The following TMEM204 variants were observed in gnomAD, a reference collection of about 807,000 sequenced individuals.
TMEM204 encodes the protein claudin-like protein 24.
In TMEM204, 15 loss-of-function variants were observed where a neutral mutation model predicts 19.4. The observed-to-expected ratio is 0.77, with a 90% CI of 0.52 to 1.19. The LOEUF is 1.19. Among genes scored for constraint, TMEM204 ranks in the 50% most tolerant of loss-of-function variants. TMEM204 has a pLI of 0.00. For synonymous variants in TMEM204, 161 were observed against 146.0 expected (o/e 1.10, Z -0.74); for missense variants, 287 against 321.2 (o/e 0.89, Z 0.81).
At chr16:1,536,700 C>G (rs1305343890) in intron 1 of TMEM204, among the ~76,000 whole-genome samples, 2 of 152,186 alleles carry the variant, frequency 1.3e-5, no homozygotes, top group African/African-American at 4.8e-5. Context: ...AACACGGGGA[C>G]GCGCCCAGAG....
rs535820814 is a variant in TMEM204 at position 1,542,274 on chromosome 16, C to A, written c.436+198C>A. Among the ~76,000 whole-genome samples the A allele has an allele frequency of 4.5e-4, 69 of 152,366 alleles. 1 individual carries two copies. The highest frequency in any genetic ancestry group is 1.9e-3 in the South Asian group (9 of 4,832). Reference sequence around the variant, plus strand: ...AGGCAAGAATGATGAAAGACAGAAACACACCCAGGCCAAGGAGCAGGGAGG... The same window carrying A: ...AGGCAAGAATGATGAAAGACAGAAAAACACCCAGGCCAAGGAGCAGGGAGG... On this transcript the variant is annotated intron_variant, in intron 2 of 2. Coordinates refer to ENST00000566264, the MANE Select transcript of TMEM204 (RefSeq NM_024600.6).
chr16:1,530,240 C>T (rs1292297679), upstream of TMEM204, among the ~76,000 whole-genome samples: 1 of 145,528 alleles, frequency 6.9e-6, no homozygotes, highest in African/African-American at 2.5e-5. Flanking sequence ...CCGAGTGATT[C>T]TCCTGCCTCA....
intron 1 of TMEM204, among the ~76,000 whole-genome samples, chr16:1,538,633 G>T (rs997918558): frequency 2.4e-4 from 36 of 152,278 alleles, no homozygotes; most frequent in African/African-American, 8.7e-4. Context: ...CCCTCATTTT[G>T]CAATGTTTAG....
intron 2 of TMEM204, among the ~76,000 whole-genome samples, chr16:1,543,737 C>T (rs547073915): frequency 1.4e-4 from 22 of 152,204 alleles, no homozygotes; most frequent in Non-Finnish European, 3.2e-4. Context: ...AGACTCTCAA[C>T]GAGGTACCCA....
rs559728815 is a variant in TMEM204 at position 1,541,395 on chromosome 16, G to T, written c.281-526G>T. 2.4e-5 allele frequency: 24 copies of T among 985,430 alleles called. No individual in the cohort carries two copies. In the African/African-American group the frequency reaches 4.0e-4, roughly 16 times the overall value. The allele number at this position is 985,430 out of a possible 1,614,324, so 61.0% of individuals were successfully genotyped here. On this transcript the variant is annotated intron_variant, in intron 1 of 2. Coordinates refer to ENST00000566264, the MANE Select transcript of TMEM204 (RefSeq NM_024600.6). Reference sequence around the variant, plus strand: ...CTCCTCGGTCCCAAGTCCCTCAGCTGCTGGGAGGAGGGAACACCACCATGA... The same window carrying T: ...CTCCTCGGTCCCAAGTCCCTCAGCTTCTGGGAGGAGGGAACACCACCATGA...
Position 1,555,098 on chromosome 16 carries a change from C to G in TMEM204, c.*72C>G. 2.6e-6 allele frequency: 4 copies of G among 1,526,748 alleles called. No individual in the cohort carries two copies. In the South Asian group the frequency reaches 5.0e-5, roughly 19 times the overall value. The allele number at this position is 1,526,748 out of a possible 1,614,324, so 94.6% of individuals were successfully genotyped here. ...CAGCCTAGAAACCAAGGGACTCCAC[C>G]ACCAAGTCACTTCCCCTGCTCGTGC... On this transcript the variant is annotated 3_prime_UTR_variant, in exon 3 of 3. Coordinates refer to ENST00000566264, the MANE Select transcript of TMEM204 (RefSeq NM_024600.6).
chr16:1,535,902 C>T (rs1031978383), intron 1 of TMEM204, among the ~76,000 whole-genome samples: 2 of 152,238 alleles, frequency 1.3e-5, no homozygotes, highest in African/African-American at 4.8e-5. Context: ...ATGGGAAGCC[C>T]GAGGCTTGGG....
chr16:1,536,436 C>T (rs2031079631), intron 1 of TMEM204, among the ~76,000 whole-genome samples: 2 of 152,178 alleles, frequency 1.3e-5, no homozygotes, highest in Non-Finnish European at 1.5e-5. Flanking sequence ...CCTGGTCAGC[C>T]CCTTGGACAA....
chr16:1,546,322 G>C (rs570917597), intron 2 of TMEM204, among the ~76,000 whole-genome samples: 1 of 152,198 alleles, frequency 6.6e-6, no homozygotes, highest in African/African-American at 2.4e-5. Context: ...AGGATGCTCC[G>C]AGCCCTCAGG....
chr16:1,536,608 T>C (rs2031097820), intron 1 of TMEM204, among the ~76,000 whole-genome samples: 1 of 152,196 alleles, frequency 6.6e-6, no homozygotes, highest in South Asian at 2.1e-4. Flanking sequence ...GTAACTTTTC[T>C]TTAATTTTAA....
intron 2 of TMEM204, among the ~76,000 whole-genome samples, chr16:1,549,177 C>G (rs2032430754): frequency 6.6e-6 from 1 of 152,268 alleles, no homozygotes; most frequent in Non-Finnish European, 1.5e-5. Flanking sequence ...CTTCCAAACC[C>G]CTCTCTACCC....
chr16:1,554,881 C>G lies in TMEM204; in HGVS notation c.536C>G (p.Ala179Gly), dbSNP rs772786284. ...CTGAACATTGGCGCCTGCCTTCTGGCCACGCTGGCGGCAGCCATGCTCATC... is the reference window on the plus strand; with the variant it reads ...CTGAACATTGGCGCCTGCCTTCTGGGCACGCTGGCGGCAGCCATGCTCATC... Reference protein sequence around the residue: ...CYLNIGACLLATLAAAMLIWN... With the variant: ...CYLNIGACLLGTLAAAMLIWN... The change falls in exon 3 of 3, where the codon GCC becomes GGC. Residue 179 changes from alanine to glycine, a missense_variant. Transcript: ENST00000566264. 3.7e-6 allele frequency: 6 copies of G among 1,614,268 alleles called. No homozygotes were observed. The Admixed American group carries it at 8.3e-5, about 22-fold the overall frequency.
chr16:1,534,618 G>T (rs368186281), intron 1 of TMEM204, 63 bp downstream of exon 1: 1 of 1,591,420 alleles, frequency 6.3e-7, no homozygotes, highest in African/African-American at 1.3e-5. Context: ...CATGGGAGAT[G>T]TTAGGCGCGG....
rs1016328737 is a variant in TMEM204 at position 1,534,044 on chromosome 16, C to T, written c.-232C>T. On this transcript the variant is annotated 5_prime_UTR_variant, in exon 1 of 3. Transcript: ENST00000566264. ...ACCCTCTGCTCCCTGGGATGGGCCC[C>T]GAGGCGAGCAGCTTCAGCACAGGCC... 2.7e-5 allele frequency: 15 copies of T among 551,412 alleles called. No individual in the cohort carries two copies. Among genetic ancestry groups the T allele is most frequent in the African/African-American group, 6.0e-5 (3 of 49,824 alleles). 34.2% of individuals were successfully genotyped at this position (551,412 alleles called of 1,614,324 possible). A position where few individuals can be genotyped will look rare whatever the true frequency, so the allele number is the denominator to read the frequency against.
chr16:1,539,736 G>A lies in TMEM204; in HGVS notation c.281-2185G>A, dbSNP rs568414469. The stretch of plus-strand genomic sequence containing the variant: ...AAATGAGCGAGGGGCAGCTGCTGCC[G>A]CTTCCCATGGCCCTGTCAGTGGTGC... On this transcript the variant is annotated intron_variant, in intron 1 of 2. Transcript: ENST00000566264. Among the ~76,000 whole-genome samples, 4 of 152,334 alleles carry A rather than the reference G, an allele frequency of 2.6e-5. No homozygotes were observed. In the South Asian group the frequency reaches 8.3e-4, roughly 32 times the overall value.
At chr16:1,544,643 T>A (rs753674779) in intron 2 of TMEM204, among the ~76,000 whole-genome samples, 1 of 151,848 alleles carries the variant, frequency 6.6e-6, no homozygotes, top group Non-Finnish European at 1.5e-5. Context: ...TCACTGCATT[T>A]CTTTTTCTTT....
intron 2 of TMEM204, 129 bp downstream of exon 2, chr16:1,542,205 GC>G: frequency 9.3e-7 from 1 of 1,071,912 alleles, no homozygotes; most frequent in Non-Finnish European, 1.3e-6. Context: ...ATGGCCACAG[GC>G]CACTGAGAAG....
intron 2 of TMEM204, chr16:1,554,173 C>T: frequency 7.9e-7 from 1 of 1,262,668 alleles, no homozygotes; most frequent in Non-Finnish European, 1.0e-6. Context: ...GCCCTGGCCC[C>T]ATCTCCGCCC....
At chr16:1,529,331 G>A (rs1056951898), upstream of TMEM204, among the ~76,000 whole-genome samples, 1 of 152,224 alleles carries the variant, frequency 6.6e-6, no homozygotes. Context: ...CTGGGGGGCC[G>A]GGAAGTGAGC....
Sources: gnomAD v4.1 joint callset for allele counts (sites outside exome capture counted in the v4.1 genomes callset) on GRCh38, gnomAD v4.1.1 for gene constraint, MANE v1.5 for transcripts, NCBI Gene and HGNC (gene_info 2026-07-23, HGNC 2026-07-21) for gene names.